Variants in TCF20 observed in about 807,000 individuals in gnomAD.
TCF20 encodes SPRE-binding protein.
In TCF20, 3 loss-of-function variants were observed where a neutral mutation model predicts 148.6. That is an observed-to-expected ratio of 0.02 (90% CI 0.01 to 0.05). The LOEUF (loss-of-function observed/expected upper bound fraction) is 0.05, where lower values mean the gene tolerates loss of function less well. Among genes scored for constraint, TCF20 ranks in the 10% least tolerant of loss-of-function variants. TCF20 has a pLI of 1.00. For synonymous variants in TCF20, 1,049 were observed against 909.5 expected, an observed-to-expected ratio of 1.15 and a Z score of -2.76; for missense variants, 2,350 against 2,429.3, an observed-to-expected ratio of 0.97 and a Z score of 0.69.
chr22:42,224,753 A>T (rs1922709694), intron 1 of TCF20, among the ~76,000 whole-genome samples: 1 of 152,124 alleles, frequency 6.6e-6, no homozygotes, highest in Admixed American at 6.6e-5. Flanking sequence ...AATCATTTTA[A>T]ACAATTGCAA....
At chr22:42,166,410 C>A (rs545773586) in intron 5 of TCF20, among the ~76,000 whole-genome samples, 6 of 152,122 alleles carry the variant, frequency 3.9e-5, no homozygotes, top group Non-Finnish European at 8.8e-5. Flanking sequence ...GAGTTCAAGG[C>A]CAGCCTGGGC....
chr22:42,213,416 A>C lies in TCF20; in HGVS notation c.1890T>G (p.Asp630Glu), dbSNP rs369374440. ...PGGQDKGSQE[D>E]DPAATQRPPS... ...GTGGCCTTTGAGTGGCTGCAGGATC[A>C]TCCTCTTGGGAGCCTTTATCTTGTC... Residue 630 changes from aspartate (D) to glutamate (E), a missense_variant, in exon 2 of 6, where the codon GAT becomes GAG. Asp to Glu is a conservative substitution (Grantham distance 45, BLOSUM62 2). Transcript: ENST00000677622. 10 of 1,613,988 alleles carry C rather than the reference A, an allele frequency of 6.2e-6. No homozygotes were observed. In the African/African-American group the frequency reaches 1.2e-4, roughly 19 times the overall value.
At chr22:42,264,941 T>A (rs1926204535) in intron 1 of TCF20, among the ~76,000 whole-genome samples, 1 of 152,262 alleles carries the variant, frequency 6.6e-6, no homozygotes, top group Non-Finnish European at 1.5e-5. Flanking sequence ...TGATATCAAA[T>A]GTTCCAATGA....
At chr22:42,178,485 G>A (rs1019658365) in intron 3 of TCF20, among the ~76,000 whole-genome samples, 2 of 151,398 alleles carry the variant, frequency 1.3e-5, no homozygotes, top group Non-Finnish European at 2.9e-5. Flanking sequence ...GTCCAATGGT[G>A]AATTACCTGT....
chr22:42,259,564 TTCA>T (rs1241952927), intron 1 of TCF20, among the ~76,000 whole-genome samples: 1 of 152,172 alleles, frequency 6.6e-6, no homozygotes, highest in Non-Finnish European at 1.5e-5. Flanking sequence ...CAAAACCAAG[TTCA>T]TCACTTTATA....
chr22:42,242,319 G>A (rs141852160), intron 1 of TCF20, among the ~76,000 whole-genome samples: 151 of 151,818 alleles, frequency 9.9e-4, no homozygotes, highest in African/African-American at 3.3e-3. Context: ...CAGTAAGTGA[G>A]GAGAAGTATT....
chr22:42,256,894 G>A (rs934580520), intron 1 of TCF20, among the ~76,000 whole-genome samples: 1 of 152,148 alleles, frequency 6.6e-6, no homozygotes, highest in South Asian at 2.1e-4. Flanking sequence ...CACAGTGGCT[G>A]ATGCCTGTAA....
intron 1 of TCF20, among the ~76,000 whole-genome samples, chr22:42,233,348 A>G (rs28582339): frequency 0.98 from 149,555 of 152,348 alleles, 73,434 homozygotes; most frequent in East Asian, 1. Context: ...GCCAGTCAGT[A>G]AGGAAGACAG....
At chr22:42,244,940 G>A (rs2147326558) in intron 1 of TCF20, among the ~76,000 whole-genome samples, 1 of 152,118 alleles carries the variant, frequency 6.6e-6, no homozygotes, top group Non-Finnish European at 1.5e-5. Flanking sequence ...AAAATCAGCT[G>A]GGCATGGTGG....
intron 1 of TCF20, among the ~76,000 whole-genome samples, chr22:42,308,578 A>G (rs1927476696): frequency 6.6e-6 from 1 of 152,162 alleles, no homozygotes; most frequent in African/African-American, 2.4e-5. Context: ...ACCTCTGCAC[A>G]ACGTCCCCAG....
intron 1 of TCF20, among the ~76,000 whole-genome samples, chr22:42,267,241 T>C (rs1926335627): frequency 6.6e-6 from 1 of 152,146 alleles, no homozygotes; most frequent in African/African-American, 2.4e-5. Flanking sequence ...CACTCCCAGC[T>C]GGGCAACAAG....
At chr22:42,228,115 T>C (rs1473094458) in intron 1 of TCF20, among the ~76,000 whole-genome samples, 1 of 152,166 alleles carries the variant, frequency 6.6e-6, no homozygotes, top group Admixed American at 6.5e-5. Flanking sequence ...TTTCAGTTCT[T>C]AAATGGCTCC....
At chr22:42,319,889 G>T (rs1237676665) in intron 1 of TCF20, among the ~76,000 whole-genome samples, 2 of 152,046 alleles carry the variant, frequency 1.3e-5, no homozygotes, top group African/African-American at 4.8e-5. Flanking sequence ...CCCACCTGCA[G>T]GGTGTTTCCC....
chr22:42,239,408 G>A (rs1345455977), intron 1 of TCF20, among the ~76,000 whole-genome samples: 5 of 150,956 alleles, frequency 3.3e-5, no homozygotes, highest in East Asian at 2.0e-4. Flanking sequence ...CCCCGGAGGC[G>A]GAGATTGCAG....
At chr22:42,161,924 A>C (rs1378806417) in intron 5 of TCF20, among the ~76,000 whole-genome samples, 1 of 149,278 alleles carries the variant, frequency 6.7e-6, no homozygotes, top group African/African-American at 2.5e-5. Context: ...CAGCCTTCCA[A>C]GTAGCTGGGA....
intron 2 of TCF20, among the ~76,000 whole-genome samples, chr22:42,205,972 C>T (rs1461574619): frequency 6.6e-6 from 1 of 152,046 alleles, no homozygotes; most frequent in Non-Finnish European, 1.5e-5. Context: ...CGGGGTTTGA[C>T]CATGTTGGCC....
chr22:42,341,413 C>T (rs774830195), intron 1 of TCF20, among the ~76,000 whole-genome samples: 23 of 152,174 alleles, frequency 1.5e-4, no homozygotes, highest in Middle Eastern at 6.8e-3. Flanking sequence ...CTGGAGACAC[C>T]CGAGACAGGA....
intron 5 of TCF20, among the ~76,000 whole-genome samples, chr22:42,165,192 A>T (rs1438572354): frequency 6.6e-6 from 1 of 152,212 alleles, no homozygotes; most frequent in East Asian, 1.9e-4. Context: ...GTTTGGGGAA[A>T]GGGGAACTCT....
chr22:42,317,186 G>A lies in TCF20; in HGVS notation c.-37+26293C>T, dbSNP rs1310867199. Among the ~76,000 whole-genome samples, 2 of 151,998 alleles carry A rather than the reference G, an allele frequency of 1.3e-5. No homozygotes were observed. The highest frequency in any genetic ancestry group is 2.9e-5 in the Non-Finnish European group (2 of 68,000). ...CCACCTTCCCCGCCCGCCCTCACTCGGCACACCCTCAACATTTGCTGAAAT... is the reference window on the plus strand; with the variant it reads ...CCACCTTCCCCGCCCGCCCTCACTCAGCACACCCTCAACATTTGCTGAAAT... On this transcript the variant is annotated intron_variant, in intron 1 of 1. Transcript: ENST00000515426. This position sits in a 1 kb window ranked among gnomAD's most constrained non-coding sequence, Gnocchi z 4.2.
Sources: gnomAD v4.1 joint callset for allele counts (sites outside exome capture counted in the v4.1 genomes callset) on GRCh38, gnomAD v4.1.1 for gene constraint, Gnocchi (gnomAD v3.1) non-coding constraint, MANE v1.5 for transcripts, NCBI Gene and HGNC (gene_info 2026-07-23, HGNC 2026-07-21) for gene names.